CCPG1: variants seen among roughly 807,000 people sequenced by gnomAD.
CCPG1 encodes the protein cell cycle progression 1.
A neutral mutation model predicts 81.3 loss-of-function variants in CCPG1; 46 were observed. The ratio of observed to expected loss-of-function variants is 0.57; its 90% CI spans 0.45 to 0.72. The LOEUF (loss-of-function observed/expected upper bound fraction) is 0.72. Ranked by LOEUF, CCPG1 falls within the 30% of genes least tolerant of loss-of-function variation. CCPG1 has a pLI of 0.00. For synonymous variants in CCPG1, 330 were observed against 305.2 expected (o/e 1.08, Z -0.85); for missense variants, 902 against 937.6 (o/e 0.96, Z 0.50).
At chr15:55,358,360 G>A (rs181919016) in intron 8 of CCPG1, 7 of 984,746 alleles carry the variant, frequency 7.1e-6, no homozygotes, top group Non-Finnish European at 8.4e-6. Flanking sequence ...GATAAGGGGG[G>A]ACTACTGTAA....
At chr15:55,356,711 T>G (rs2056084433) in intron 8 of CCPG1, 2 of 1,075,652 alleles carry the variant, frequency 1.9e-6, no homozygotes, top group South Asian at 4.0e-5. Flanking sequence ...TTTTCCTCCT[T>G]TCCTATAAAA....
At chr15:55,407,961 A>T (rs1231591798) in intron 1 of CCPG1, 1 of 152,396 alleles carries the variant, frequency 6.6e-6, no homozygotes, top group Non-Finnish European at 1.5e-5. Context: ...TCGGTATAGC[A>T]CTCGGGGTTT....
At chr15:55,391,119 ATTTCT>A (rs1269646999) in intron 1 of CCPG1, among the ~76,000 whole-genome samples, 2 of 152,106 alleles carry the variant, frequency 1.3e-5, no homozygotes, top group Non-Finnish European at 2.9e-5. Flanking sequence ...AACTGACTAT[ATTTCT>A]TTTCTTTATT....
rs565044184 is a variant in CCPG1, at chr15:55,363,799, C to CTTTTTTTTTTTTTTTTTTT, written c.828+1370_828+1388dup. On this transcript the variant is annotated intron_variant, in intron 7 of 8. Transcript: ENST00000442196. Reference sequence around the variant, plus strand: ...AATAGCTTACTTTTCTTTCCTTTTCCTTTTTTTTTTTTTTTTTTTTTTTTG... The same window carrying CTTTTTTTTTTTTTTTTTTT: ...AATAGCTTACTTTTCTTTCCTTTTCCTTTTTTTTTTTTTTTTTTTTTTTTTTTTTTTTTTTTTTTTTTTG... 2.1e-4 allele frequency among the ~76,000 whole-genome samples: 20 copies of CTTTTTTTTTTTTTTTTTTT among 93,938 alleles called. 1 individual carries two copies. Among genetic ancestry groups the CTTTTTTTTTTTTTTTTTTT allele is most frequent in the African/African-American group, 8.1e-4 (18 of 22,230 alleles). The allele number at this position is 93,938 out of a possible 152,430, so 61.6% of individuals were successfully genotyped here. A position where few individuals can be genotyped will look rare whatever the true frequency, so the allele number is the denominator to read the frequency against.
chr15:55,374,221 G>T, intron 5 of CCPG1: 3 of 1,288,592 alleles, frequency 2.3e-6, no homozygotes, highest in Non-Finnish European at 3.0e-6. Flanking sequence ...ATGCACTCAG[G>T]AATCTTCCAC....
At chr15:55,400,711 C>G (rs1353204550) in intron 1 of CCPG1, among the ~76,000 whole-genome samples, 1 of 152,180 alleles carries the variant, frequency 6.6e-6, no homozygotes, top group Non-Finnish European at 1.5e-5. Flanking sequence ...AATTTCCGCT[C>G]ATCTCATGAG....
chr15:55,374,521 G>A (rs1230577994), intron 5 of CCPG1, among the ~76,000 whole-genome samples: 1 of 151,856 alleles, frequency 6.6e-6, no homozygotes, highest in Non-Finnish European at 1.5e-5. Flanking sequence ...TAAGTCAGGA[G>A]AAGAAAAAAT....
intron 1 of CCPG1, among the ~76,000 whole-genome samples, chr15:55,404,232 C>A (rs1354007126): frequency 2.0e-5 from 3 of 150,458 alleles, no homozygotes; most frequent in Non-Finnish European, 4.5e-5. Context: ...TGAAAAACAA[C>A]GTGTTACCAG....
At chr15:55,368,208 A>C (rs540867523) in intron 6 of CCPG1, among the ~76,000 whole-genome samples, 1 of 152,260 alleles carries the variant, frequency 6.6e-6, no homozygotes, top group East Asian at 1.9e-4. Context: ...ATGTATATCA[A>C]GGGATGACTA....
At position 55,355,951 on chromosome 15, in the gene CCPG1, A is replaced by T; in HGVS notation, c.*269T>A. The T allele has an allele frequency of 2.3e-6, 1 of 432,872 alleles. No homozygotes were observed. Among genetic ancestry groups the T allele is most frequent in the South Asian group, 3.4e-5 (1 of 29,088 alleles). The allele number at this position is 432,872 out of a possible 1,614,324, so 26.8% of individuals were successfully genotyped here. ...GAAAGGAAGTCTCATTTCATGCACA[A>T]AATCTGTTGCATGCCTGGCTTCCTT... On this transcript the variant is annotated 3_prime_UTR_variant, in exon 9 of 9. Coordinates refer to ENST00000442196, the MANE Select transcript of CCPG1 (RefSeq NM_001204450.2).
intron 1 of CCPG1, among the ~76,000 whole-genome samples, chr15:55,401,026 T>G (rs2057119340): frequency 6.6e-6 from 1 of 152,188 alleles, no homozygotes; most frequent in Non-Finnish European, 1.5e-5. Flanking sequence ...TTTTAGAAAG[T>G]TTTTCCTGCT....
Position 55,374,733 on chromosome 15 carries a change from A to T in CCPG1, c.454+2216T>A, listed in dbSNP as rs539105102. Among the ~76,000 whole-genome samples the T allele has an allele frequency of 1.5e-3, 221 of 152,192 alleles. 2 individuals are homozygous for T. The highest frequency in any genetic ancestry group is 5.2e-3 in the African/African-American group (214 of 41,536). On this transcript the variant is annotated intron_variant, in intron 5 of 8. Coordinates refer to ENST00000442196, the MANE Select transcript of CCPG1 (RefSeq NM_001204450.2). ...GCAACCTCCGCCTCCTGGGTTCAAG[A>T]GATTCTCCTGCCTCAGCCTCCAGAG...
At chr15:55,403,459 T>C (rs1299782460) in intron 1 of CCPG1, among the ~76,000 whole-genome samples, 1 of 151,940 alleles carries the variant, frequency 6.6e-6, no homozygotes, top group Non-Finnish European at 1.5e-5. Flanking sequence ...AATACTTAAC[T>C]CCCACTTCTT....
intron 3 of CCPG1, among the ~76,000 whole-genome samples, chr15:55,378,786 A>G (rs968109168): frequency 2.0e-5 from 3 of 151,984 alleles, no homozygotes; most frequent in African/African-American, 7.3e-5. Flanking sequence ...TACTAGAGAT[A>G]GGGTTTTACC....
At chr15:55,374,116 C>T in intron 5 of CCPG1, 1 of 1,136,272 alleles carries the variant, frequency 8.8e-7, no homozygotes, top group African/African-American at 1.6e-5. Flanking sequence ...ACTAGGCACA[C>T]TCAGCTCTAG....
chr15:55,355,458 T>C lies in CCPG1; in HGVS notation c.*762A>G, dbSNP rs1459824676. ...ACTTTCCTAGATAAATTAACATTGC[T>C]GGGTGGAAATATTCAGATGCTGCTT... On this transcript the variant is annotated 3_prime_UTR_variant, in exon 9 of 9. Transcript: ENST00000442196. 1.3e-6 allele frequency: 2 copies of C among 1,579,790 alleles called. No homozygotes were observed. The highest frequency in any genetic ancestry group is 1.1e-5 in the South Asian group (1 of 87,484).
intron 6 of CCPG1, among the ~76,000 whole-genome samples, 174 bp from the exon 7 acceptor site, chr15:55,365,483 T>A (rs1197971550): frequency 6.6e-6 from 1 of 150,694 alleles, no homozygotes; most frequent in African/African-American, 2.4e-5. Context: ...CAGGCTGGTA[T>A]GATCTCAGCT....
At chr15:55,368,173 G>A (rs2056370945) in intron 6 of CCPG1, among the ~76,000 whole-genome samples, 1 of 152,038 alleles carries the variant, frequency 6.6e-6, no homozygotes, top group South Asian at 2.1e-4. Flanking sequence ...TTTGGTATGG[G>A]GGTGCATCCT....
At chr15:55,358,219 T>C (rs1424740983) in intron 8 of CCPG1, 1 of 289,458 alleles carries the variant, frequency 3.5e-6, no homozygotes, top group Non-Finnish European at 5.2e-6. Flanking sequence ...ATTGGTAAGA[T>C]CTATAGTAAG....
Sources: gnomAD v4.1 joint callset for allele counts (sites outside exome capture counted in the v4.1 genomes callset) on GRCh38, gnomAD v4.1.1 for gene constraint, MANE v1.5 for transcripts, NCBI Gene and HGNC (gene_info 2026-07-23, HGNC 2026-07-21) for gene names.